Variants in SDK1 observed in about 807,000 individuals in gnomAD.
SDK1 encodes the protein sidekick cell adhesion molecule 1, also known as protein sidekick-1.
SDK1 carries 157 observed loss-of-function variants against 245.5 expected under a neutral mutation model. The ratio of observed to expected loss-of-function variants is 0.64; its 90% CI spans 0.56 to 0.73. The LOEUF is 0.73. SDK1 is among the 30% of genes least tolerant of loss of function. SDK1 has a pLI of 0.00. For missense variants in SDK1, 3,583 were observed against 3,002.3 expected (o/e 1.19, Z -4.52); for synonymous variants, 1,647 against 1,278.5 (o/e 1.29, Z -6.15).
At chr7:3,909,852 G>A (rs1239544017) in intron 5 of SDK1, among the ~76,000 whole-genome samples, 1 of 152,134 alleles carries the variant, frequency 6.6e-6, no homozygotes. Context: ...TTGAATAAAA[G>A]TTAAATACAA....
At chr7:3,758,071 A>G in intron 4 of SDK1, among the ~76,000 whole-genome samples, 1 of 152,190 alleles carries the variant, frequency 6.6e-6, no homozygotes, top group Non-Finnish European at 1.5e-5. Flanking sequence ...CAAGTTGTCA[A>G]GTCCAGCCCA....
chr7:3,641,682 T>G (rs1183467156), intron 3 of SDK1, among the ~76,000 whole-genome samples: 1 of 152,244 alleles, frequency 6.6e-6, no homozygotes, highest in Admixed American at 6.5e-5. Flanking sequence ...CACAGACAGT[T>G]GCAGACATTT....
At chr7:4,075,675 G>C (rs1780626127) in intron 20 of SDK1, among the ~76,000 whole-genome samples, 1 of 143,482 alleles carries the variant, frequency 7.0e-6, no homozygotes, top group Admixed American at 7.0e-5. Context: ...TTTTTTTTAA[G>C]ACAAAGTCTT....
intron 4 of SDK1, among the ~76,000 whole-genome samples, chr7:3,776,569 A>G (rs530850395): frequency 6.6e-6 from 1 of 152,372 alleles, no homozygotes; most frequent in East Asian, 1.9e-4. Context: ...AAATGAAGAT[A>G]GTATGTGAAT....
chr7:3,558,085 A>T (rs11769660), intron 1 of SDK1, among the ~76,000 whole-genome samples: 35,254 of 145,146 alleles, frequency 0.24, 4,329 homozygotes, highest in South Asian at 0.36. Context: ...TTTAGATGCC[A>T]CGTGGCATGC....
intron 1 of SDK1, chr7:3,338,164 A>C: frequency 4.2e-6 from 1 of 237,462 alleles, no homozygotes; most frequent in East Asian, 9.0e-5. Context: ...GGCACCTGGT[A>C]TGTTCTCTAG....
At chr7:3,593,303 G>A (rs527520366) in intron 1 of SDK1, among the ~76,000 whole-genome samples, 16 of 152,046 alleles carry the variant, frequency 1.1e-4, no homozygotes, top group Middle Eastern at 3.4e-3. Context: ...GGTGTAGGGC[G>A]CATGGAGCAC....
intron 27 of SDK1, among the ~76,000 whole-genome samples, chr7:4,131,522 G>C (rs778923862): frequency 6.6e-6 from 1 of 152,178 alleles, no homozygotes; most frequent in Admixed American, 6.6e-5. Flanking sequence ...GGCCCAGAAC[G>C]ACGAACATAC....
chr7:3,813,889 T>G (rs1253978737), intron 4 of SDK1, among the ~76,000 whole-genome samples: 2 of 130,116 alleles, frequency 1.5e-5, no homozygotes, highest in African/African-American at 6.4e-5. Flanking sequence ...TTCATGTGTT[T>G]TTTGGCTGCA....
At chr7:3,786,114 G>A (rs989214727) in intron 4 of SDK1, among the ~76,000 whole-genome samples, 1 of 152,072 alleles carries the variant, frequency 6.6e-6, no homozygotes, top group Non-Finnish European at 1.5e-5. Flanking sequence ...AGTCCTCCTT[G>A]TTTGTTCTCT....
chr7:3,326,892 A>G (rs956832022), intron 1 of SDK1, among the ~76,000 whole-genome samples: 8 of 152,192 alleles, frequency 5.3e-5, no homozygotes, highest in Admixed American at 3.9e-4. Flanking sequence ...TATTACTGAA[A>G]TGAGTATTTT....
chr7:3,742,012 A>ATATATATATATATATG (rs1554256842), intron 4 of SDK1, among the ~76,000 whole-genome samples: 14 of 145,282 alleles, frequency 9.6e-5, no homozygotes, highest in Non-Finnish European at 1.8e-4. Context: ...ATATATATAT[A>ATATATATATATATATG]TGCTGTATTT....
chr7:3,506,634 TAC>T (rs2128610026), intron 1 of SDK1, among the ~76,000 whole-genome samples: 1 of 152,300 alleles, frequency 6.6e-6, no homozygotes, highest in East Asian at 1.9e-4. Flanking sequence ...GTTTATTTCT[TAC>T]AGTCTTCCTC....
intron 1 of SDK1, among the ~76,000 whole-genome samples, chr7:3,417,411 G>A (rs1414757811): frequency 6.6e-6 from 1 of 152,184 alleles, no homozygotes; most frequent in South Asian, 2.1e-4. Flanking sequence ...TTTCAGCCAT[G>A]TGTCCTTTGC....
intron 35 of SDK1, among the ~76,000 whole-genome samples, chr7:4,203,783 C>T (rs1465329325): frequency 2.0e-5 from 3 of 152,224 alleles, no homozygotes; most frequent in Non-Finnish European, 4.4e-5. Flanking sequence ...ACGCTTTGCT[C>T]AGCGTTGACA....
At chr7:3,576,981 C>T (rs10263702) in intron 1 of SDK1, among the ~76,000 whole-genome samples, 15 of 151,882 alleles carry the variant, frequency 9.9e-5, no homozygotes, top group South Asian at 6.2e-4. Context: ...CACTTCACCA[C>T]GGTGGATGGA....
At chr7:4,036,586 G>A (rs960975465) in intron 17 of SDK1, among the ~76,000 whole-genome samples, 1 of 152,136 alleles carries the variant, frequency 6.6e-6, no homozygotes, top group African/African-American at 2.4e-5. Context: ...TATATGCCAT[G>A]GTCTAAATAT....
At chr7:3,409,458 A>G (rs909269336) in intron 1 of SDK1, among the ~76,000 whole-genome samples, 17 of 152,002 alleles carry the variant, frequency 1.1e-4, no homozygotes, top group African/African-American at 4.1e-4. Context: ...GCTGACTTTC[A>G]CCCATGGACT....
intron 1 of SDK1, among the ~76,000 whole-genome samples, chr7:3,501,015 C>T (rs1782191685): frequency 1.3e-5 from 2 of 151,938 alleles, no homozygotes; most frequent in South Asian, 2.1e-4. Context: ...TGCATACTTT[C>T]TTCTTTATTA....
Sources: gnomAD v4.1 joint callset for allele counts (sites outside exome capture counted in the v4.1 genomes callset) on GRCh38, gnomAD v4.1.1 for gene constraint, MANE v1.5 for transcripts, NCBI Gene and HGNC (gene_info 2026-07-23, HGNC 2026-07-21) for gene names.